TAS1R3: variants seen among roughly 807,000 people sequenced by gnomAD.
TAS1R3 encodes the protein taste receptor type 1 member 3.
Under a neutral mutation model 46.1 loss-of-function variants are expected in TAS1R3, and 58 were observed. That is an observed-to-expected ratio of 1.26 (90% CI 1.02 to 1.57). TAS1R3 has a LOEUF of 1.57. Ranked by LOEUF, TAS1R3 falls within the 40% of genes most tolerant of loss-of-function variation. TAS1R3 has a pLI of 0.00. For missense variants in TAS1R3, 1,422 were observed against 1,185.8 expected (o/e 1.20, Z -2.93); for synonymous variants, 724 against 544.7 (o/e 1.33, Z -4.58).
rs769527751 is a variant in TAS1R3 at position 1,333,535 on chromosome 1, G to A, written c.1630G>A (p.Asp544Asn). The A allele has an allele frequency of 7.5e-6, 12 of 1,602,932 alleles. No individual in the cohort carries two copies. Among genetic ancestry groups the A allele is most frequent in the Non-Finnish European group, 1.0e-5 (12 of 1,179,708 alleles). Residue 544 changes from aspartate (D) to asparagine (N), a missense_variant, in exon 6 of 6, where the codon GAT becomes AAT. Transcript: ENST00000339381. Reference sequence around the variant, plus strand: ...CATCGCCTGCACCTTTTGTGGCCAGGATGAGTGGTCCCCGGAGCGAAGCAC... The same window carrying A: ...CATCGCCTGCACCTTTTGTGGCCAGAATGAGTGGTCCCCGGAGCGAAGCAC... ...DDIACTFCGQ[D>N]EWSPERSTRC...
Position 1,334,023 on chromosome 1 carries a change from GGTGGT to G in TAS1R3, c.2120_2124del (p.Val707AspfsTer134). The G allele has an allele frequency of 1.2e-6, 2 of 1,601,454 alleles. No homozygotes were observed. Among genetic ancestry groups the G allele is most frequent in the Non-Finnish European group, 1.7e-6 (2 of 1,179,696 alleles). ...GGTACCTGGTGGCCTTCCCGCCGGA[GGTGGT>G]GACGGACTGGCACATGCTGCCCACG... On this transcript the variant is annotated frameshift_variant, in exon 6 of 6. Transcript: ENST00000339381. LOFTEE classifies it low-confidence loss of function (END_TRUNC).
At position 1,335,061 on chromosome 1, in the gene TAS1R3, C is replaced by CG. The variant is rs1643526923; in HGVS notation, c.*597_*598insG. 1 of 152,812 alleles carries CG rather than the reference C, an allele frequency of 6.5e-6. No homozygotes were observed. The allele number at this position is 152,812 out of a possible 1,614,324, so 9.5% of individuals were successfully genotyped here. ...GTGGGGTGGGGGCGGGGTCCAGCAC[C>CG]ACGGCCAGCACCGACCACCAGGACC... On this transcript the variant is annotated 3_prime_UTR_variant, in exon 6 of 6. Transcript: ENST00000339381.
rs1643457722 is a variant in TAS1R3 at position 1,332,689 on chromosome 1, TCAC to T, written c.1164_1166del (p.His388del). 1 of 1,604,824 alleles carries T rather than the reference TCAC, an allele frequency of 6.2e-7. No individual in the cohort carries two copies. The highest frequency in any genetic ancestry group is 1.3e-5 in the African/African-American group (1 of 75,064). On this transcript the variant is annotated inframe_deletion, in exon 3 of 6. Transcript: ENST00000339381. ...TGCAGAACGTGAGCGCAGGGCTAAA[TCAC>T]CACCAGACGTTCTCTGTCTACGCAG...
At position 1,331,493 on chromosome 1, in the gene TAS1R3, G is replaced by A. The variant is rs752208616; in HGVS notation, c.148G>A (p.Gly50Ser). The part of the protein sequence containing the change: ...LFPLGEAEEA[G>S]LRSRTRPSSP... The stretch of plus-strand genomic sequence containing the variant: ...CCCCCTGGGCGAGGCCGAGGAGGCT[G>A]GCCTCCGCAGCCGGACACGGCCCAG... The change falls in exon 1 of 6, where the codon GGC becomes AGC. Residue 50 changes from glycine to serine, a missense_variant. By Grantham distance (56) the Gly-to-Ser change is moderately conservative. Transcript: ENST00000339381. 3.1e-6 allele frequency: 5 copies of A among 1,605,682 alleles called. No individual in the cohort carries two copies. The highest frequency in any genetic ancestry group is 1.7e-5 in the Admixed American group (1 of 58,482).
chr1:1,334,139 T>C lies in TAS1R3; in HGVS notation c.2234T>C (p.Phe745Ser), dbSNP rs1177928257. Residue 745 changes from phenylalanine to serine, a missense_variant, in exon 6 of 6, where the codon TTC becomes TCC. Physicochemically the swap from Phe to Ser is radical, Grantham distance 155. Transcript: ENST00000339381. ...AATGCCACGCTGGCCTTTCTCTGCT[T>C]CCTGGGCACTTTCCTGGTGCGGAGC... ...ATNATLAFLC[F>S]LGTFLVRSQP... 15 of 1,582,124 alleles carry C rather than the reference T, an allele frequency of 9.5e-6. No individual in the cohort carries two copies. Among genetic ancestry groups the C allele is most frequent in the Non-Finnish European group, 1.3e-5 (15 of 1,164,006 alleles).
chr1:1,331,927 C>G lies in TAS1R3; in HGVS notation c.481C>G (p.Leu161Val). Residue 161 changes from leucine to valine, a missense_variant, in exon 2 of 6, where the codon CTC becomes GTC. Physicochemically the swap from Leu to Val is conservative, Grantham distance 32. Coordinates refer to ENST00000339381, the MANE Select transcript of TAS1R3 (RefSeq NM_152228.3). The stretch of plus-strand genomic sequence containing the variant: ...CACCGGCAAGTTCTTCAGCTTCTTC[C>G]TCATGCCCCAGGTGGGCGCCCCCCA... ...MVTGKFFSFF[L>V]MPQVSYGASM... The G allele has an allele frequency of 6.2e-7, 1 of 1,611,042 alleles. No homozygotes were observed. Among genetic ancestry groups the G allele is most frequent in the Non-Finnish European group, 8.5e-7 (1 of 1,178,892 alleles).
chr1:1,332,404 G>GCT lies in TAS1R3; in HGVS notation c.877_878dup (p.Pro294ArgfsTer12). 6.2e-7 allele frequency: 1 copy of GCT among 1,604,442 alleles called. No individual in the cohort carries two copies. The highest frequency in any genetic ancestry group is 8.5e-7 in the Non-Finnish European group (1 of 1,176,868). ...TCTTCAACTACAGCATCAGCAGCAGGCTCTCGCCCAAGGTGTGGGTGGCCA... is the reference window on the plus strand; with the variant it reads ...TCTTCAACTACAGCATCAGCAGCAGGCTCTCTCGCCCAAGGTGTGGGTGGCCA... On this transcript the variant is annotated frameshift_variant, in exon 3 of 6. Transcript: ENST00000339381. LOFTEE classifies it high-confidence loss of function.
In TAS1R3 at chr1:1,332,753, C is replaced by A; in HGVS notation, c.1222C>A (p.Leu408Ile). 1 of 1,605,742 alleles carries A rather than the reference C, an allele frequency of 6.2e-7. No individual in the cohort carries two copies. ...YSVAQALHNT[L>I]QCNASGCPAQ... Reference sequence around the variant, plus strand: ...CGTGGCCCAGGCCCTGCACAACACTCTTCAGTGCAACGCCTCAGGCTGCCC... The same window carrying A: ...CGTGGCCCAGGCCCTGCACAACACTATTCAGTGCAACGCCTCAGGCTGCCC... The change falls in exon 3 of 6, where the codon CTT becomes ATT. Residue 408 changes from leucine to isoleucine, a missense_variant. By Grantham distance (5) the Leu-to-Ile change is conservative (BLOSUM62 2). Coordinates refer to ENST00000339381, the MANE Select transcript of TAS1R3 (RefSeq NM_152228.3).
chr1:1,333,412 A>G, intron 5 of TAS1R3, 33 bp downstream of exon 5: 2 of 1,610,780 alleles, frequency 1.2e-6, no homozygotes, highest in South Asian at 2.2e-5. Flanking sequence ...GGGGGTGGGA[A>G]CGCAGCAGGG....
Position 1,333,281 on chromosome 1 carries a change from G to A in TAS1R3, c.1502G>A (p.Arg501Gln), listed in dbSNP as rs373494410. 538 of 1,597,368 alleles carry A rather than the reference G, an allele frequency of 3.4e-4. No individual in the cohort carries two copies. Among genetic ancestry groups the A allele is most frequent in the Non-Finnish European group, 4.4e-4 (517 of 1,173,330 alleles). Residue 501 changes from arginine to glutamine, a missense_variant, in exon 5 of 6, where the codon CGG becomes CAG. Physicochemically the swap from Arg to Gln is conservative, Grantham distance 43 (BLOSUM62 1). Transcript: ENST00000339381. Reference sequence around the variant, plus strand: ...CAGAAGCCCGTGTCCCGGTGCTCGCGGCAGTGCCAGGAGGGCCAGGTGCGC... The same window carrying A: ...CAGAAGCCCGTGTCCCGGTGCTCGCAGCAGTGCCAGGAGGGCCAGGTGCGC... The part of the protein sequence containing the change: ...DNQKPVSRCS[R>Q]QCQEGQVRRV...
At chr1:1,331,576 C>G (rs960491611) in intron 1 of TAS1R3, 40 bp downstream of exon 1, 3 of 1,603,120 alleles carry the variant, frequency 1.9e-6, no homozygotes, top group Non-Finnish European at 8.5e-7. Flanking sequence ...TCAGGGTGAC[C>G]AGGTCTGGGG....
In TAS1R3 at chr1:1,333,902, T is replaced by G. The variant is rs775249540; in HGVS notation, c.1997T>G (p.Leu666Arg). ...ATCTTCGTGGAGTCAGAACTGCCTCTGAGCTGGGCAGACCGGCTGAGTGGC... is the reference window on the plus strand; with the variant it reads ...ATCTTCGTGGAGTCAGAACTGCCTCGGAGCTGGGCAGACCGGCTGAGTGGC... ...AEIFVESELP[L>R]SWADRLSGCL... The change falls in exon 6 of 6, where the codon CTG becomes CGG. Residue 666 changes from leucine to arginine, a missense_variant. By Grantham distance (102) the Leu-to-Arg change is moderately radical (BLOSUM62 -2). Coordinates refer to ENST00000339381, the MANE Select transcript of TAS1R3 (RefSeq NM_152228.3). 3.1e-6 allele frequency: 5 copies of G among 1,600,912 alleles called. No individual in the cohort carries two copies. Among genetic ancestry groups the G allele is most frequent in the Non-Finnish European group, 4.2e-6 (5 of 1,179,826 alleles).
In TAS1R3 at chr1:1,334,108, G is replaced by T; in HGVS notation, c.2203G>T (p.Ala735Ser). The change falls in exon 6 of 6, where the codon GCC becomes TCC. Residue 735 changes from alanine (A) to serine (S), a missense_variant. Coordinates refer to ENST00000339381, the MANE Select transcript of TAS1R3 (RefSeq NM_152228.3). ...CTGGGTCAGCTTCGGCCTAGCGCACGCCACCAATGCCACGCTGGCCTTTCT... is the reference window on the plus strand; with the variant it reads ...CTGGGTCAGCTTCGGCCTAGCGCACTCCACCAATGCCACGCTGGCCTTTCT... Reference protein sequence around the residue: ...RSWVSFGLAHATNATLAFLCF... With the variant: ...RSWVSFGLAHSTNATLAFLCF... 6.3e-7 allele frequency: 1 copy of T among 1,579,940 alleles called. No homozygotes were observed. The highest frequency in any genetic ancestry group is 2.3e-5 in the East Asian group (1 of 43,062).
At position 1,331,691 on chromosome 1, in the gene TAS1R3, AGATCAACAACAAGTCG is replaced by A; in HGVS notation, c.250_265del (p.Asn84CysfsTer22). On this transcript the variant is annotated frameshift_variant, in exon 2 of 6. Coordinates refer to ENST00000339381, the MANE Select transcript of TAS1R3 (RefSeq NM_152228.3). LOFTEE classifies it high-confidence loss of function. ...CTGGCCATGAAAATGGCCGTGGAGG[AGATCAACAACAAGTCG>A]GATCTGCTGCCCGGGCTGCGCCTGG... 6.2e-7 allele frequency: 1 copy of A among 1,612,904 alleles called. No individual in the cohort carries two copies. The highest frequency in any genetic ancestry group is 1.1e-5 in the South Asian group (1 of 91,070).
Position 1,332,189 on chromosome 1 carries a change from C to T in TAS1R3, c.658C>T (p.Arg220Trp), listed in dbSNP as rs748914858. ...AALGSDDEYG[R>W]QGLSIFSALA... Reference sequence around the variant, plus strand: ...CCTGGGCAGCGACGACGAGTACGGCCGGCAGGGCCTGAGCATCTTCTCGGC... The same window carrying T: ...CCTGGGCAGCGACGACGAGTACGGCTGGCAGGGCCTGAGCATCTTCTCGGC... Residue 220 changes from arginine to tryptophan, a missense_variant, in exon 3 of 6, where the codon CGG becomes TGG. Physicochemically the swap from Arg to Trp is moderately radical, Grantham distance 101 (BLOSUM62 -3). Coordinates refer to ENST00000339381, the MANE Select transcript of TAS1R3 (RefSeq NM_152228.3). 8.1e-6 allele frequency: 13 copies of T among 1,595,746 alleles called. No individual in the cohort carries two copies. Among genetic ancestry groups the T allele is most frequent in the East Asian group, 4.5e-5 (2 of 44,746 alleles).
In TAS1R3 at chr1:1,332,368, C is replaced by T. The variant is rs560492615; in HGVS notation, c.837C>T (p.Ala279=). ...TGCTGCTGTTCGCCTCCGTGCACGC[C>T]GCCCACGCCCTCTTCAACTACAGCA... is the stretch of plus-strand genomic sequence containing the variant. ...QVVLLFASVH[A]AHALFNYSIS... is the part of the protein sequence containing the mutation. The change falls in exon 3 of 6, where the codon GCC becomes GCT. Residue 279 remains alanine, a synonymous_variant. Transcript: ENST00000339381. 4.8e-5 allele frequency: 76 copies of T among 1,599,874 alleles called. 1 individual carries two copies. In the South Asian group the frequency reaches 5.5e-4, roughly 12 times the overall value.
At position 1,334,871 on chromosome 1, in the gene TAS1R3, C is replaced by T. The variant is rs141342516; in HGVS notation, c.*407C>T. 0.011 allele frequency: 1,929 copies of T among 179,396 alleles called. 15 individuals carry two copies. The highest frequency in any genetic ancestry group is 0.014 in the Non-Finnish European group (1,220 of 85,458). The allele number at this position is 179,396 out of a possible 1,614,324, so 11.1% of individuals were successfully genotyped here. On this transcript the variant is annotated 3_prime_UTR_variant, in exon 6 of 6. Transcript: ENST00000339381. ...ATGTCCCACCAGGGCCCCCATCCTGCACCCTGCCAGGCACCACAGCAGTGG... is the reference window on the plus strand; with the variant it reads ...ATGTCCCACCAGGGCCCCCATCCTGTACCCTGCCAGGCACCACAGCAGTGG...
In TAS1R3 at chr1:1,333,437, G is replaced by A. The variant is rs1347028893; in HGVS notation, c.1600+58G>A. 2.1e-5 allele frequency: 33 copies of A among 1,607,432 alleles called. 1 individual carries two copies. The highest frequency in any genetic ancestry group is 1.3e-4 in the South Asian group (12 of 90,802). On this transcript the variant is annotated intron_variant, in intron 5 of 5. Transcript: ENST00000339381. ...ACGCAGCAGGGGAGGGTCCTGCCAA[G>A]TCCTGACTCTGAGACCAGAGCCCAC...
rs754010758 is a variant in TAS1R3, at chr1:1,332,123, G to A, written c.592G>A (p.Ala198Thr). Residue 198 changes from alanine to threonine, a missense_variant, in exon 3 of 6, where the codon GCG (alanine) becomes ACG (threonine). Ala to Thr is a moderately conservative substitution (Grantham distance 58, BLOSUM62 0). Transcript: ENST00000339381. ...PSDRVQLTAAAELLQEFGWNW... is the reference protein window; with the variant it reads ...PSDRVQLTAATELLQEFGWNW... Reference sequence around the variant, plus strand: ...CGACCGTGTGCAGCTGACGGCCGCCGCGGAGCTGCTGCAGGAGTTCGGCTG... The same window carrying A: ...CGACCGTGTGCAGCTGACGGCCGCCACGGAGCTGCTGCAGGAGTTCGGCTG... 5.6e-5 allele frequency: 90 copies of A among 1,599,488 alleles called. No homozygotes were observed. The highest frequency in any genetic ancestry group is 7.0e-5 in the Non-Finnish European group (83 of 1,179,736).
Sources: gnomAD v4.1 joint callset for allele counts on GRCh38, gnomAD v4.1.1 for gene constraint, MANE v1.5 for transcripts, NCBI Gene and HGNC (gene_info 2026-07-23, HGNC 2026-07-21) for gene names.